Variants in CNTN5 observed in about 807,000 individuals in gnomAD.
CNTN5 encodes contactin 5, also known as contactin-5.
CNTN5 carries 77 observed loss-of-function variants against 129.1 expected under a neutral mutation model. That is an observed-to-expected ratio of 0.60 (90% confidence interval 0.50 to 0.72). The LOEUF is 0.72. Ranked by LOEUF, CNTN5 falls within the 30% of genes least tolerant of loss-of-function variation. The probability of loss-of-function intolerance (pLI) is 0.00; values close to 1 mark genes in which losing one functional copy is unlikely to be tolerated. For missense variants in CNTN5, 1,478 were observed against 1,328.8 expected, an observed-to-expected ratio of 1.11 and a Z score of -1.75; for synonymous variants, 509 against 465.6, an observed-to-expected ratio of 1.09 and a Z score of -1.20.
chr11:99,818,792 G>A (rs1442671443), intron 3 of CNTN5, among the ~76,000 whole-genome samples: 1 of 151,786 alleles, frequency 6.6e-6, no homozygotes, highest in Non-Finnish European at 1.5e-5. Context: ...AACACCTTAG[G>A]AATTAAAATA....
chr11:99,916,111 G>T lies in CNTN5; in HGVS notation c.635G>T (p.Gly212Val). The change falls in exon 7 of 25, where the codon GGT becomes GTT. Residue 212 changes from glycine to valine, a missense_variant. Coordinates refer to ENST00000524871, the MANE Select transcript of CNTN5 (RefSeq NM_014361.4). ...GCAGTCTCTGTGAGGGAAGGCCAGG[G>T]TGTCGTTCTGATGTGCTCTCCTCCG... ...RSAVSVREGQ[G>V]VVLMCSPPPH... 1.2e-6 allele frequency: 2 copies of T among 1,612,476 alleles called. No homozygotes were observed. Among genetic ancestry groups the T allele is most frequent in the Non-Finnish European group, 1.7e-6 (2 of 1,179,226 alleles).
At chr11:100,337,867 T>C (rs1333352038) in intron 21 of CNTN5, among the ~76,000 whole-genome samples, 2 of 152,226 alleles carry the variant, frequency 1.3e-5, no homozygotes, top group Non-Finnish European at 1.5e-5. Context: ...ACAAATAAGC[T>C]TGTTTCATAC....
intron 8 of CNTN5, 99 bp from the exon 9 acceptor site, chr11:100,001,935 A>G: frequency 1.2e-6 from 1 of 844,852 alleles, no homozygotes; most frequent in Middle Eastern, 2.2e-4. Context: ...AACAGACATT[A>G]ACAACCAAAC....
intron 6 of CNTN5, among the ~76,000 whole-genome samples, chr11:99,904,194 T>C (rs1470626458): frequency 6.6e-6 from 1 of 152,152 alleles, no homozygotes. Context: ...GTTTGTAACA[T>C]AGGTATACAC....
intron 1 of CNTN5, among the ~76,000 whole-genome samples, chr11:99,183,923 T>C (rs1191000818): frequency 6.6e-6 from 1 of 152,142 alleles, no homozygotes; most frequent in Non-Finnish European, 1.5e-5. Flanking sequence ...CCGTGTCAGT[T>C]AAACAATGTT....
At chr11:99,942,106 A>G (rs1446751550) in intron 7 of CNTN5, among the ~76,000 whole-genome samples, 2 of 152,094 alleles carry the variant, frequency 1.3e-5, no homozygotes, top group African/African-American at 2.4e-5. Context: ...GATAGCTCCA[A>G]CTATCTTTAC....
intron 8 of CNTN5, among the ~76,000 whole-genome samples, chr11:99,971,563 A>T (rs1380826891): frequency 6.6e-6 from 1 of 151,376 alleles, no homozygotes; most frequent in Non-Finnish European, 1.5e-5. Flanking sequence ...ACAAAAAACA[A>T]ACAAACAAAA....
intron 18 of CNTN5, among the ~76,000 whole-genome samples, chr11:100,276,734 G>A (rs1027349235): frequency 6.6e-6 from 1 of 151,840 alleles, no homozygotes; most frequent in Non-Finnish European, 1.5e-5. Flanking sequence ...TTTTGATACA[G>A]GCATACAATG....
At chr11:99,483,826 T>C (rs1945701069) in intron 2 of CNTN5, among the ~76,000 whole-genome samples, 1 of 152,120 alleles carries the variant, frequency 6.6e-6, no homozygotes, top group African/African-American at 2.4e-5. Context: ...GTCTCTTCAG[T>C]AAATGGTGCT....
chr11:99,367,015 G>C (rs980306663), intron 2 of CNTN5, among the ~76,000 whole-genome samples: 1 of 152,092 alleles, frequency 6.6e-6, no homozygotes, highest in South Asian at 2.1e-4. Flanking sequence ...ATTTGTTTTT[G>C]ATAGAATAGA....
At position 99,771,913 on chromosome 11, in the gene CNTN5, T is replaced by C. The variant is rs187523687; in HGVS notation, c.56-47631T>C. On this transcript the variant is annotated intron_variant, in intron 3 of 24. Transcript: ENST00000524871. Reference sequence around the variant, plus strand: ...ATGGTGTGAACTTTACTGTATATTATATACACAAATTTTATACAAGTATGC... The same window carrying C: ...ATGGTGTGAACTTTACTGTATATTACATACACAAATTTTATACAAGTATGC... Among the ~76,000 whole-genome samples the C allele has an allele frequency of 1.5e-4, 23 of 151,952 alleles. No homozygotes were observed. The East Asian group carries it at 3.9e-3, about 26-fold the overall frequency.
chr11:99,627,999 T>C (rs564196919), intron 3 of CNTN5, among the ~76,000 whole-genome samples: 1 of 150,560 alleles, frequency 6.6e-6, no homozygotes, highest in Non-Finnish European at 1.5e-5. Flanking sequence ...TGTGTTGGAT[T>C]ACTTTGACTT....
In CNTN5 at chr11:99,056,595, T is replaced by A. The variant is rs530078729; in HGVS notation, c.-210+35325T>A. 7.9e-5 allele frequency among the ~76,000 whole-genome samples: 12 copies of A among 152,088 alleles called. No individual in the cohort carries two copies. In the South Asian group the frequency reaches 2.3e-3, roughly 29 times the overall value. Reference sequence around the variant, plus strand: ...ATTTTTAGAAATGCCTCTATTTGAATCACCAATATGATGTTCTAGGTCCCT... The same window carrying A: ...ATTTTTAGAAATGCCTCTATTTGAAACACCAATATGATGTTCTAGGTCCCT... On this transcript the variant is annotated intron_variant, in intron 1 of 24. Coordinates refer to ENST00000524871, the MANE Select transcript of CNTN5 (RefSeq NM_014361.4).
At chr11:100,255,073 A>G (rs1272325760) in intron 16 of CNTN5, among the ~76,000 whole-genome samples, 5 of 152,186 alleles carry the variant, frequency 3.3e-5, no homozygotes, top group Non-Finnish European at 7.3e-5. Flanking sequence ...ATTCTTTCAT[A>G]ATCAAAAGGG....
At chr11:100,337,549 T>C in intron 21 of CNTN5, 1 of 742,942 alleles carries the variant, frequency 1.3e-6, no homozygotes. Flanking sequence ...AAGCAAGCTG[T>C]GGATTTTCTG....
chr11:99,662,228 A>G (rs1233491555), intron 3 of CNTN5, among the ~76,000 whole-genome samples: 1 of 152,180 alleles, frequency 6.6e-6, no homozygotes, highest in African/African-American at 2.4e-5. Context: ...GTTTTTCACA[A>G]CATTGTTAAT....
chr11:100,222,427 T>G (rs1329753191), intron 15 of CNTN5, among the ~76,000 whole-genome samples: 1 of 152,146 alleles, frequency 6.6e-6, no homozygotes, highest in Non-Finnish European at 1.5e-5. Context: ...TATTTTTCAC[T>G]GTAATTCCAT....
At chr11:99,152,648 G>T (rs973121003) in intron 1 of CNTN5, among the ~76,000 whole-genome samples, 8 of 152,144 alleles carry the variant, frequency 5.3e-5, no homozygotes, top group African/African-American at 1.9e-4. Flanking sequence ...TTACCTTCAA[G>T]GTCAATAGTG....
At chr11:100,191,815 G>A (rs1016626332) in intron 14 of CNTN5, among the ~76,000 whole-genome samples, 23 of 151,366 alleles carry the variant, frequency 1.5e-4, no homozygotes, top group African/African-American at 4.6e-4. Context: ...TCATTTTATC[G>A]TTCTAAAATG....
Sources: gnomAD v4.1 joint callset for allele counts (sites outside exome capture counted in the v4.1 genomes callset) on GRCh38, gnomAD v4.1.1 for gene constraint, MANE v1.5 for transcripts, NCBI Gene and HGNC (gene_info 2026-07-23, HGNC 2026-07-21) for gene names.